KLF3: variants seen among roughly 807,000 people sequenced by gnomAD.
KLF3 encodes the protein KLF transcription factor 3.
KLF3 carries 6 observed loss-of-function variants against 32.7 expected under a neutral mutation model. That is an observed-to-expected ratio of 0.18 (90% CI 0.10 to 0.36). The LOEUF (loss-of-function observed/expected upper bound fraction) is 0.36. Among genes scored for constraint, KLF3 ranks in the 10% least tolerant of loss-of-function variants. The pLI is 1.00. For synonymous variants in KLF3, 145 were observed against 172.8 expected (o/e 0.84, Z 1.26); for missense variants, 338 against 449.7 (o/e 0.75, Z 2.25).
At chr4:38,692,339 A>T (rs1722899560) in intron 4 of KLF3, among the ~76,000 whole-genome samples, 1 of 152,228 alleles carries the variant, frequency 6.6e-6, no homozygotes, top group African/African-American at 2.4e-5. Context: ...CAGCGTCTTC[A>T]GAGATGCGGC....
intron 1 of KLF3, among the ~76,000 whole-genome samples, chr4:38,677,813 G>A (rs1722397853): frequency 1.3e-5 from 2 of 151,986 alleles, no homozygotes; most frequent in Admixed American, 1.3e-4. Flanking sequence ...AACACATTTA[G>A]TGTTGTGTGT....
At chr4:38,689,678 C>G (rs771900755) in intron 3 of KLF3, 51 bp from the exon 4 acceptor site, 3 of 1,388,026 alleles carry the variant, frequency 2.2e-6, no homozygotes, top group Non-Finnish European at 3.0e-6. Context: ...CTTTTAAAAG[C>G]TGAAATTGGT....
At chr4:38,672,524 AG>A (rs1722228124) in intron 1 of KLF3, among the ~76,000 whole-genome samples, 1 of 152,168 alleles carries the variant, frequency 6.6e-6, no homozygotes, top group African/African-American at 2.4e-5. Context: ...ATAAGCCGGA[AG>A]GGGAGGGGGC....
rs1281392555 is a variant in KLF3, at chr4:38,698,543, T to A, written c.*1280T>A. The stretch of plus-strand genomic sequence containing the variant: ...CACACATACCTTTATTTTGGGAATT[T>A]ATGAGAAAATATAGAAAACCACAGA... On this transcript the variant is annotated 3_prime_UTR_variant, in exon 6 of 6. Transcript: ENST00000261438. 6.6e-6 allele frequency: 1 copy of A among 152,646 alleles called. No individual in the cohort carries two copies. The highest frequency in any genetic ancestry group is 1.5e-5 in the Non-Finnish European group (1 of 68,040). 9.5% of individuals were successfully genotyped at this position (152,646 alleles called of 1,614,324 possible).
rs1722757534 is a variant in KLF3, at chr4:38,688,133, A to T, written c.58-452A>T. Among the ~76,000 whole-genome samples the T allele has an allele frequency of 6.6e-6, 1 of 152,212 alleles. No individual in the cohort carries two copies. The highest frequency in any genetic ancestry group is 2.4e-5 in the African/African-American group (1 of 41,450). The stretch of plus-strand genomic sequence containing the variant: ...AGCTGTCCTGCCGAAGTTAGACATC[A>T]AAGCTAGAGAGCATTTCCTGCTCAT... On this transcript the variant is annotated intron_variant, in intron 2 of 5. Transcript: ENST00000261438. This position sits in a 1 kb window ranked among gnomAD's most constrained non-coding sequence, Gnocchi z 4.9.
chr4:38,693,142 GTGTATATATA>G (rs1265420021), intron 4 of KLF3, among the ~76,000 whole-genome samples: 2 of 119,750 alleles, frequency 1.7e-5, no homozygotes, highest in East Asian at 4.8e-4. Flanking sequence ...GTATATATAT[GTGTATATATA>G]TACATATATA....
chr4:38,696,878 G>A (rs922327705), intron 5 of KLF3, among the ~76,000 whole-genome samples: 6 of 151,856 alleles, frequency 4.0e-5, no homozygotes, highest in African/African-American at 1.5e-4. Context: ...TTCTCCTCCC[G>A]TTTTTTTGGC....
chr4:38,679,019 G>C (rs1722439500), intron 1 of KLF3, among the ~76,000 whole-genome samples: 1 of 152,198 alleles, frequency 6.6e-6, no homozygotes, highest in African/African-American at 2.4e-5. Context: ...CAGTTGGCTT[G>C]ATGTAGATTA....
At chr4:38,666,944 G>A (rs924562311) in intron 1 of KLF3, among the ~76,000 whole-genome samples, 2 of 152,202 alleles carry the variant, frequency 1.3e-5, no homozygotes, top group Non-Finnish European at 2.9e-5. Flanking sequence ...TCTGAGCTAG[G>A]GACTAGCCAT....
intron 5 of KLF3, among the ~76,000 whole-genome samples, chr4:38,695,658 G>A (rs1254862414): frequency 6.6e-6 from 1 of 152,276 alleles, no homozygotes; most frequent in South Asian, 2.1e-4. Context: ...GATTGTTTGA[G>A]CCCAGGAGTT....
chr4:38,695,687 C>T (rs1407852494), intron 5 of KLF3, among the ~76,000 whole-genome samples: 1 of 152,104 alleles, frequency 6.6e-6, no homozygotes, highest in African/African-American at 2.4e-5. Flanking sequence ...GCCTGGGCAA[C>T]ATAGGGAGGC....
At position 38,689,720 on chromosome 4, in the gene KLF3, A is replaced by G. The variant is rs752447914; in HGVS notation, c.545-9A>G. 6.4e-7 allele frequency: 1 copy of G among 1,566,844 alleles called. No homozygotes were observed. The highest frequency in any genetic ancestry group is 8.6e-7 in the Non-Finnish European group (1 of 1,159,518). ...TACGTGAAGTGACTTTTCTATTTTTATTTTTTAGTACCTGTAATTGAATCA... is the reference window on the plus strand; with the variant it reads ...TACGTGAAGTGACTTTTCTATTTTTGTTTTTTAGTACCTGTAATTGAATCA... On this transcript the variant is annotated splice_polypyrimidine_tract_variant and intron_variant, in intron 3 of 5. Coordinates refer to ENST00000261438, the MANE Select transcript of KLF3 (RefSeq NM_016531.6).
Position 38,684,242 on chromosome 4 carries a change from C to G in KLF3, c.57+3560C>G, listed in dbSNP as rs561829582. ...GGGAAATTATCCAAACATGGTACCT[C>G]TTTCCCTGTTGCAATTAAAATCATT... On this transcript the variant is annotated intron_variant, in intron 2 of 5. Coordinates refer to ENST00000261438, the MANE Select transcript of KLF3 (RefSeq NM_016531.6). Among the ~76,000 whole-genome samples, 12 of 152,320 alleles carry G rather than the reference C, an allele frequency of 7.9e-5. No individual in the cohort carries two copies. In the South Asian group the frequency reaches 1.5e-3, roughly 18 times the overall value.
chr4:38,670,003 T>A (rs559838559), intron 1 of KLF3, among the ~76,000 whole-genome samples: 39 of 147,778 alleles, frequency 2.6e-4, no homozygotes, highest in African/African-American at 8.4e-4. Flanking sequence ...AATAAAAAAA[T>A]GATCTGTGCA....
rs573698835 is a variant in KLF3, at chr4:38,696,509, T to C, written c.857-573T>C. On this transcript the variant is annotated intron_variant, in intron 5 of 5. Transcript: ENST00000261438. ...CCTACAGGAGGGGGTTGTGAAAACC[T>C]GGCTCAGGACAGATGGGGAAGAATT... is the stretch of plus-strand genomic sequence containing the variant. Among the ~76,000 whole-genome samples the C allele has an allele frequency of 5.9e-5, 9 of 152,338 alleles. No homozygotes were observed. The South Asian group carries it at 1.9e-3, about 32-fold the overall frequency.
chr4:38,671,844 C>T lies in KLF3; in HGVS notation c.-40+7383C>T, dbSNP rs897000850. ...CCTGTGACATCACTTAGCCCCTTGC[C>T]TTCCTTGATCCCTTTTCAAAAACCT... On this transcript the variant is annotated intron_variant, in intron 1 of 5. Coordinates refer to ENST00000261438, the MANE Select transcript of KLF3 (RefSeq NM_016531.6). This position sits in a 1 kb window ranked among gnomAD's most constrained non-coding sequence, Gnocchi z 4.4. Among the ~76,000 whole-genome samples, 4 of 152,204 alleles carry T rather than the reference C, an allele frequency of 2.6e-5. No homozygotes were observed. The highest frequency in any genetic ancestry group is 4.4e-5 in the Non-Finnish European group (3 of 68,032).
At chr4:38,696,666 T>C (rs1268749054) in intron 5 of KLF3, among the ~76,000 whole-genome samples, 1 of 152,216 alleles carries the variant, frequency 6.6e-6, no homozygotes, top group African/African-American at 2.4e-5. Flanking sequence ...GGAAAACTAT[T>C]GAAAAGTTTA....
intron 4 of KLF3, among the ~76,000 whole-genome samples, chr4:38,693,341 TG>T (rs1722941786): frequency 1.4e-5 from 2 of 147,692 alleles, no homozygotes; most frequent in African/African-American, 5.0e-5. Flanking sequence ...AAATAAATAA[TG>T]TTTTTTTTAA....
intron 5 of KLF3, among the ~76,000 whole-genome samples, chr4:38,696,218 G>C (rs530104317): frequency 1.5e-4 from 22 of 144,878 alleles, no homozygotes; most frequent in Admixed American, 4.8e-4. Context: ...ACGCCTCTTT[G>C]TGTGTGTATT....
Sources: allele counts gnomAD v4.1 joint callset (sites outside exome capture counted in the v4.1 genomes callset), GRCh38; gene constraint gnomAD v4.1.1; non-coding constraint Gnocchi (gnomAD v3.1); transcripts MANE v1.5; gene names NCBI Gene and HGNC (gene_info 2026-07-23, HGNC 2026-07-21).